Variants in KCNIP4 observed in about 807,000 individuals in gnomAD.
The protein encoded by KCNIP4 is Kv channel-interacting protein 4.
In KCNIP4, 12 loss-of-function variants were observed where a neutral mutation model predicts 34.0. The ratio of observed to expected loss-of-function variants is 0.35; its 90% confidence interval spans 0.23 to 0.57. KCNIP4 has a LOEUF of 0.57. KCNIP4 is among the 20% of genes least tolerant of loss of function. KCNIP4 has a pLI of 0.83. For missense variants in KCNIP4, 238 were observed against 311.7 expected (o/e 0.76, Z 1.78); for synonymous variants, 124 against 102.2 (o/e 1.21, Z -1.29).
intron 1 of KCNIP4, among the ~76,000 whole-genome samples, chr4:20,919,311 G>A (rs1729148511): frequency 6.6e-6 from 1 of 152,050 alleles, no homozygotes; most frequent in African/African-American, 2.4e-5. Context: ...TTCCACGAAT[G>A]TGTGTGGATG....
At chr4:21,930,888 G>T (rs1179104319) in intron 1 of KCNIP4, among the ~76,000 whole-genome samples, 2 of 152,108 alleles carry the variant, frequency 1.3e-5, no homozygotes, top group African/African-American at 4.8e-5. Flanking sequence ...GCAAGCAGGT[G>T]CTAGTCTTTT....
At chr4:21,646,393 T>C (rs1278822561) in intron 1 of KCNIP4, among the ~76,000 whole-genome samples, 2 of 152,310 alleles carry the variant, frequency 1.3e-5, no homozygotes, top group East Asian at 1.9e-4. Context: ...CACCTCTTCA[T>C]TAATGAGTCA....
chr4:21,272,395 T>C (rs367693227), intron 1 of KCNIP4, among the ~76,000 whole-genome samples: 2 of 152,330 alleles, frequency 1.3e-5, no homozygotes, highest in African/African-American at 4.8e-5. Context: ...CTGTGAGTCA[T>C]ATATTTTCCC....
chr4:21,030,278 C>T (rs950331036), intron 1 of KCNIP4, among the ~76,000 whole-genome samples: 4 of 152,074 alleles, frequency 2.6e-5, no homozygotes, highest in Non-Finnish European at 5.9e-5. Flanking sequence ...CGGTTGTGTG[C>T]TCCTTATGAG....
At chr4:21,717,178 A>G (rs1233262582) in intron 1 of KCNIP4, among the ~76,000 whole-genome samples, 2 of 152,094 alleles carry the variant, frequency 1.3e-5, no homozygotes, top group African/African-American at 2.4e-5. Flanking sequence ...CTTGGCCTCT[A>G]TCTACTAAAT....
At chr4:21,254,998 A>C (rs1760967673) in intron 1 of KCNIP4, among the ~76,000 whole-genome samples, 1 of 152,092 alleles carries the variant, frequency 6.6e-6, no homozygotes, top group African/African-American at 2.4e-5. Flanking sequence ...CTTTTCTTGA[A>C]ATTTCCAGGG....
At chr4:21,342,329 CGTCTT>C (rs1226844816) in intron 1 of KCNIP4, among the ~76,000 whole-genome samples, 1 of 152,088 alleles carries the variant, frequency 6.6e-6, no homozygotes, top group Admixed American at 6.6e-5. Flanking sequence ...AATAATTGAA[CGTCTT>C]GCATACATAT....
intron 1 of KCNIP4, among the ~76,000 whole-genome samples, chr4:21,928,174 G>T (rs1307725527): frequency 2.7e-5 from 4 of 148,086 alleles, no homozygotes; most frequent in African/African-American, 9.9e-5. Context: ...TTTCCCTTTG[G>T]ATCTAGAGAA....
At chr4:21,296,026 C>G (rs535353740) in intron 1 of KCNIP4, among the ~76,000 whole-genome samples, 1 of 152,194 alleles carries the variant, frequency 6.6e-6, no homozygotes, top group African/African-American at 2.4e-5. Context: ...GATGAACTTG[C>G]AAGAATGGAG....
chr4:21,245,723 G>C (rs151069876), intron 1 of KCNIP4, among the ~76,000 whole-genome samples: 60 of 152,182 alleles, frequency 3.9e-4, no homozygotes, highest in African/African-American at 1.3e-3. Context: ...AGTATCTGGG[G>C]GAAGCACGTG....
chr4:21,462,092 C>T (rs1729509581), intron 1 of KCNIP4, among the ~76,000 whole-genome samples: 1 of 151,972 alleles, frequency 6.6e-6, no homozygotes, highest in African/African-American at 2.4e-5. Flanking sequence ...ATAAACAATA[C>T]ATTCTTATTA....
chr4:21,536,828 T>G (rs1737216312), intron 1 of KCNIP4, among the ~76,000 whole-genome samples: 1 of 152,030 alleles, frequency 6.6e-6, no homozygotes, highest in Admixed American at 6.5e-5. Context: ...ATTATCTCTA[T>G]ATTAAAAAAT....
intron 1 of KCNIP4, among the ~76,000 whole-genome samples, chr4:21,428,080 AGT>A (rs1726092084): frequency 6.6e-6 from 1 of 152,192 alleles, no homozygotes; most frequent in African/African-American, 2.4e-5. Context: ...GTGCTTGAGC[AGT>A]GACAAATACG....
At chr4:21,827,683 A>G (rs1722751508) in intron 1 of KCNIP4, among the ~76,000 whole-genome samples, 2 of 152,132 alleles carry the variant, frequency 1.3e-5, no homozygotes, top group South Asian at 2.1e-4. Flanking sequence ...AAAAAATAAG[A>G]TAACAAGCAA....
At chr4:21,131,535 G>A (rs1352907059) in intron 1 of KCNIP4, among the ~76,000 whole-genome samples, 2 of 152,100 alleles carry the variant, frequency 1.3e-5, no homozygotes, top group Admixed American at 6.5e-5. Flanking sequence ...GAGTGAACCC[G>A]GGAGGCGGAG....
At chr4:21,180,804 A>G (rs908273110) in intron 1 of KCNIP4, among the ~76,000 whole-genome samples, 4 of 151,652 alleles carry the variant, frequency 2.6e-5, no homozygotes, top group African/African-American at 7.3e-5. Context: ...ACAGACATAT[A>G]TATATAAATC....
At chr4:21,752,562 C>T (rs1201937548) in intron 1 of KCNIP4, among the ~76,000 whole-genome samples, 1 of 151,904 alleles carries the variant, frequency 6.6e-6, no homozygotes, top group Non-Finnish European at 1.5e-5. Context: ...CAAAGCCTAA[C>T]CATATCACAT....
chr4:21,299,169 T>C (rs1172418051), intron 1 of KCNIP4, among the ~76,000 whole-genome samples: 1 of 152,114 alleles, frequency 6.6e-6, no homozygotes, highest in Admixed American at 6.6e-5. Flanking sequence ...TATACTATAC[T>C]CTGTTTAACA....
chr4:21,565,859 G>A (rs973931366), intron 1 of KCNIP4, among the ~76,000 whole-genome samples: 3 of 152,098 alleles, frequency 2.0e-5, no homozygotes, highest in Non-Finnish European at 4.4e-5. Flanking sequence ...GAAAACTGGT[G>A]ACTGATTCTG....
Sources: allele counts gnomAD v4.1 joint callset (sites outside exome capture counted in the v4.1 genomes callset), GRCh38; gene constraint gnomAD v4.1.1; transcripts MANE v1.5; gene names NCBI Gene and HGNC (gene_info 2026-07-23, HGNC 2026-07-21).